GRIN3A: variants seen among roughly 807,000 people sequenced by gnomAD.
GRIN3A encodes glutamate receptor ionotropic, NMDA 3A.
A neutral mutation model predicts 92.4 loss-of-function variants in GRIN3A; 47 were observed. The observed-to-expected ratio is 0.51, with a 90% CI of 0.40 to 0.65. GRIN3A has a LOEUF of 0.65. Ranked by LOEUF, GRIN3A falls within the 30% of genes least tolerant of loss-of-function variation. The probability of loss-of-function intolerance (pLI) is 0.00; values close to 1 mark genes in which losing one functional copy is unlikely to be tolerated. For synonymous variants in GRIN3A, 527 were observed against 540.6 expected (o/e 0.97, Z 0.35); for missense variants, 1,324 against 1,393.1 (o/e 0.95, Z 0.79).
At chr9:101,659,646 G>A (rs139181846) in intron 3 of GRIN3A, among the ~76,000 whole-genome samples, 26 of 151,330 alleles carry the variant, frequency 1.7e-4, no homozygotes, top group Admixed American at 6.6e-4. Flanking sequence ...GGTTAATAAC[G>A]TAAACAAAGG....
At chr9:101,707,023 A>C (rs1829822781) in intron 1 of GRIN3A, among the ~76,000 whole-genome samples, 1 of 152,226 alleles carries the variant, frequency 6.6e-6, no homozygotes, top group Non-Finnish European at 1.5e-5. Flanking sequence ...AGAAGCAAAA[A>C]ACATCCTAAC....
At chr9:101,701,658 G>T (rs1299021227) in intron 1 of GRIN3A, among the ~76,000 whole-genome samples, 5 of 152,282 alleles carry the variant, frequency 3.3e-5, no homozygotes, top group African/African-American at 1.2e-4. Context: ...TCATGATGAA[G>T]ATGCCGAAAG....
chr9:101,631,571 G>C (rs1179647383), intron 3 of GRIN3A, among the ~76,000 whole-genome samples: 1 of 152,128 alleles, frequency 6.6e-6, no homozygotes, highest in African/African-American at 2.4e-5. Context: ...CCAAAGCATG[G>C]AAGGAATCAG....
chr9:101,609,346 A>G (rs975750070), intron 6 of GRIN3A, among the ~76,000 whole-genome samples: 1 of 152,214 alleles, frequency 6.6e-6, no homozygotes, highest in African/African-American at 2.4e-5. Flanking sequence ...TAGTACTTCT[A>G]TTATTTACTA....
intron 5 of GRIN3A, among the ~76,000 whole-genome samples, chr9:101,616,641 T>C (rs1828458126): frequency 6.6e-6 from 1 of 150,796 alleles, no homozygotes; most frequent in Middle Eastern, 3.5e-3. Context: ...AAAAAGATTG[T>C]GTATCTGCAT....
At chr9:101,729,104 C>T (rs913516551) in intron 1 of GRIN3A, among the ~76,000 whole-genome samples, 5 of 152,132 alleles carry the variant, frequency 3.3e-5, no homozygotes, top group African/African-American at 4.8e-5. Context: ...TAACCTTTCT[C>T]GACATTTTTC....
intron 3 of GRIN3A, among the ~76,000 whole-genome samples, chr9:101,636,428 C>T (rs1828786803): frequency 6.6e-6 from 1 of 152,112 alleles, no homozygotes; most frequent in African/African-American, 2.4e-5. Flanking sequence ...CTTTGTGGTA[C>T]ATACAGTTGT....
At chr9:101,731,462 A>G (rs1244370463) in intron 1 of GRIN3A, among the ~76,000 whole-genome samples, 4 of 152,226 alleles carry the variant, frequency 2.6e-5, no homozygotes, top group Non-Finnish European at 1.5e-5. Flanking sequence ...TTCTTCCTAA[A>G]TCTATGCTTC....
chr9:101,572,907 T>A lies in GRIN3A; in HGVS notation c.*267A>T, dbSNP rs550879681. ...GTGAAAAGGTTAACGGCAGCTGGGG[T>A]TATCTGGTTATTCACAGATCTCTCG... On this transcript the variant is annotated 3_prime_UTR_variant, in exon 9 of 9. Transcript: ENST00000361820. 2.1e-6 allele frequency: 1 copy of A among 466,278 alleles called. No individual in the cohort carries two copies. Among genetic ancestry groups the A allele is most frequent in the Admixed American group, 3.4e-5 (1 of 29,828 alleles). The allele number at this position is 466,278 out of a possible 1,614,324, so 28.9% of individuals were successfully genotyped here.
intron 1 of GRIN3A, among the ~76,000 whole-genome samples, chr9:101,725,154 G>A (rs1422200102): frequency 1.3e-5 from 2 of 152,100 alleles, no homozygotes; most frequent in Admixed American, 6.6e-5. Flanking sequence ...AGAAGTGTTG[G>A]GTCATGGAAA....
chr9:101,630,222 G>C (rs893086087), intron 3 of GRIN3A, among the ~76,000 whole-genome samples: 1 of 151,946 alleles, frequency 6.6e-6, no homozygotes, highest in Non-Finnish European at 1.5e-5. Flanking sequence ...TGCTGATATA[G>C]TATCTTGTAC....
intron 6 of GRIN3A, among the ~76,000 whole-genome samples, chr9:101,597,346 G>T (rs551904343): frequency 6.6e-6 from 1 of 152,224 alleles, no homozygotes; most frequent in Admixed American, 6.5e-5. Flanking sequence ...GGAAGAGCAG[G>T]TACCAAAAGA....
intron 3 of GRIN3A, among the ~76,000 whole-genome samples, chr9:101,660,210 A>G (rs1421381531): frequency 6.6e-6 from 1 of 151,864 alleles, no homozygotes; most frequent in African/African-American, 2.4e-5. Context: ...CAAGGATCCT[A>G]CATCTCTGAG....
chr9:101,643,186 C>G (rs1188091202), intron 3 of GRIN3A, among the ~76,000 whole-genome samples: 2 of 151,972 alleles, frequency 1.3e-5, no homozygotes, highest in South Asian at 2.1e-4. Context: ...ACTCATTCAG[C>G]TCAATAGCAA....
At chr9:101,632,956 G>C (rs1221293774) in intron 3 of GRIN3A, among the ~76,000 whole-genome samples, 1 of 152,126 alleles carries the variant, frequency 6.6e-6, no homozygotes, top group African/African-American at 2.4e-5. Context: ...GTTTATATTT[G>C]CATCAACCTT....
intron 6 of GRIN3A, among the ~76,000 whole-genome samples, chr9:101,580,739 C>T (rs761623217): frequency 1.3e-5 from 2 of 152,178 alleles, no homozygotes; most frequent in African/African-American, 2.4e-5. Flanking sequence ...AGATATATAA[C>T]GTCTATTTTA....
chr9:101,706,003 G>A (rs574921761), intron 1 of GRIN3A, among the ~76,000 whole-genome samples: 1 of 152,022 alleles, frequency 6.6e-6, no homozygotes, highest in East Asian at 1.9e-4. Flanking sequence ...TAAAAAAAAC[G>A]AGAAGCAAGA....
intron 1 of GRIN3A, among the ~76,000 whole-genome samples, chr9:101,715,394 T>C (rs747025110): frequency 6.6e-6 from 1 of 152,086 alleles, no homozygotes; most frequent in Non-Finnish European, 1.5e-5. Flanking sequence ...TGGTGGCTCA[T>C]GCCTATAATC....
At chr9:101,736,523 G>A (rs1194005127) in intron 1 of GRIN3A, among the ~76,000 whole-genome samples, 1 of 151,754 alleles carries the variant, frequency 6.6e-6, no homozygotes, top group African/African-American at 2.4e-5. Flanking sequence ...TAGATGATGG[G>A]GAGAGAAATG....
Sources: gnomAD v4.1 joint callset for allele counts (sites outside exome capture counted in the v4.1 genomes callset) on GRCh38, gnomAD v4.1.1 for gene constraint, MANE v1.5 for transcripts, NCBI Gene and HGNC (gene_info 2026-07-23, HGNC 2026-07-21) for gene names.